Variants in SLC28A3 observed in about 807,000 individuals in gnomAD.
The protein encoded by SLC28A3 is solute carrier family 28 member 3, also known as concentrative Na(+)-nucleoside cotransporter 3.
Under a neutral mutation model 84.2 loss-of-function variants are expected in SLC28A3, and 68 were observed. That is an observed-to-expected ratio of 0.81 (90% confidence interval 0.66 to 0.99). The LOEUF is 0.99. Among genes scored for constraint, SLC28A3 ranks in the 50% least tolerant of loss-of-function variants. The pLI, the probability that SLC28A3 is intolerant of heterozygous loss-of-function variation, is 0.00. For missense variants in SLC28A3, 712 were observed against 841.5 expected (o/e 0.85, Z 1.90); for synonymous variants, 267 against 303.6 (o/e 0.88, Z 1.25).
At chr9:84,289,153 CA>C (rs1825113906) in intron 11 of SLC28A3, among the ~76,000 whole-genome samples, 1 of 152,176 alleles carries the variant, frequency 6.6e-6, no homozygotes, top group African/African-American at 2.4e-5. Context: ...CCCCCCAGAA[CA>C]TTTTTGAGGC....
intron 1 of SLC28A3, among the ~76,000 whole-genome samples, chr9:84,318,325 T>G (rs1431613817): frequency 6.6e-6 from 1 of 151,156 alleles, no homozygotes; most frequent in Non-Finnish European, 1.5e-5. Flanking sequence ...GATCTTTGGA[T>G]TGGGTGCAAG....
At chr9:84,341,848 G>T (rs1161661379), upstream of SLC28A3, among the ~76,000 whole-genome samples, 1 of 152,094 alleles carries the variant, frequency 6.6e-6, no homozygotes, top group South Asian at 2.1e-4. Flanking sequence ...AATGGAAAAG[G>T]CCTGGTGCGG....
chr9:84,280,873 C>A lies in SLC28A3; in HGVS notation c.1657G>T (p.Glu553Ter). 2 of 1,614,078 alleles carry A rather than the reference C, an allele frequency of 1.2e-6. No individual in the cohort carries two copies. The highest frequency in any genetic ancestry group is 1.7e-6 in the Non-Finnish European group (2 of 1,180,016). Residue 553 changes from glutamate (E) to a stop codon, truncating the protein, a stop_gained, in exon 15 of 18, where the codon GAG becomes TAG. Coordinates refer to ENST00000376238, the MANE Select transcript of SLC28A3 (RefSeq NM_001199633.2). LOFTEE classifies it high-confidence loss of function. ...GVQQYISIRS[E>*]IIATYALCGF... ...CAGAGAGCGTAAGTGGCGATTATCT[C>A]AGAACGAATCTGTAAGCAAGCATAA...
the SLC28A3 span, among the ~76,000 whole-genome samples, chr9:84,357,236 G>A: frequency 6.6e-6 from 1 of 152,150 alleles, no homozygotes; most frequent in African/African-American, 2.4e-5. Flanking sequence ...ATGAAAATTT[G>A]CTCTAAGCTT....
At chr9:84,362,869 A>G in the SLC28A3 span, among the ~76,000 whole-genome samples, 2 of 152,040 alleles carry the variant, frequency 1.3e-5, no homozygotes, top group Non-Finnish European at 2.9e-5. Context: ...AAAAATTGTG[A>G]TAAAGTAATA....
intron 5 of SLC28A3, 27 bp from the exon 6 acceptor site, chr9:84,299,752 G>A (rs772736711): frequency 6.3e-5 from 98 of 1,556,238 alleles, no homozygotes; most frequent in Admixed American, 2.0e-4. Context: ...GGAGGCATTG[G>A]CATCATTTGT....
chr9:84,288,592 C>T (rs1825089843), intron 11 of SLC28A3, among the ~76,000 whole-genome samples: 1 of 152,028 alleles, frequency 6.6e-6, no homozygotes, highest in African/African-American at 2.4e-5. Context: ...CTCCGTCACC[C>T]AGGAGTGCAG....
At chr9:84,327,925 CAAAA>C (rs60624658) in intron 1 of SLC28A3, among the ~76,000 whole-genome samples, 1 of 107,354 alleles carries the variant, frequency 9.3e-6, no homozygotes, top group African/African-American at 3.8e-5. Context: ...GACTCCATTT[CAAAA>C]AAAAAAAAAA....
At chr9:84,291,606 G>A (rs933305379) in intron 10 of SLC28A3, among the ~76,000 whole-genome samples, 1 of 152,216 alleles carries the variant, frequency 6.6e-6, no homozygotes, top group Non-Finnish European at 1.5e-5. Context: ...AAGGTGTTGG[G>A]ATTACAGGCG....
the SLC28A3 span, among the ~76,000 whole-genome samples, chr9:84,359,857 T>G: frequency 6.6e-6 from 1 of 151,626 alleles, no homozygotes; most frequent in African/African-American, 2.4e-5. Flanking sequence ...AAAAATTAGC[T>G]GGGCATGGTG....
At chr9:84,296,780 C>T (rs934454325) in intron 8 of SLC28A3, among the ~76,000 whole-genome samples, 4 of 152,198 alleles carry the variant, frequency 2.6e-5, no homozygotes, top group East Asian at 1.9e-4. Flanking sequence ...TGTGGTTGAC[C>T]GGCTGCCCCA....
At position 84,309,091 on chromosome 9, in the gene SLC28A3, G is replaced by A. The variant is rs115124092; in HGVS notation, c.242+538C>T. Among the ~76,000 whole-genome samples, 549 of 152,256 alleles carry A rather than the reference G, an allele frequency of 3.6e-3. 6 individuals are homozygous for A. Among genetic ancestry groups the A allele is most frequent in the South Asian group, 0.034 (165 of 4,826 alleles). On this transcript the variant is annotated intron_variant, in intron 3 of 17. Coordinates refer to ENST00000376238, the MANE Select transcript of SLC28A3 (RefSeq NM_001199633.2). Reference sequence around the variant, plus strand: ...GGGTGAATTTAAATCTGCATATTGGGTTCCCAGAACATCAGCAGTTTGAAT... The same window carrying A: ...GGGTGAATTTAAATCTGCATATTGGATTCCCAGAACATCAGCAGTTTGAAT...
intron 1 of SLC28A3, among the ~76,000 whole-genome samples, chr9:84,334,960 C>G (rs1341846976): frequency 6.6e-6 from 1 of 151,896 alleles, no homozygotes; most frequent in Non-Finnish European, 1.5e-5. Context: ...GCTGCTCTTT[C>G]TCTCCCTGTG....
chr9:84,318,863 C>G (rs1197937917), intron 1 of SLC28A3, among the ~76,000 whole-genome samples: 1 of 150,558 alleles, frequency 6.6e-6, no homozygotes, highest in Non-Finnish European at 1.5e-5. Flanking sequence ...AAGTGAAACC[C>G]TGTCTCAGAA....
intron 7 of SLC28A3, among the ~76,000 whole-genome samples, 158 bp from the exon 8 acceptor site, chr9:84,297,456 G>A (rs1825460422): frequency 6.6e-6 from 1 of 152,216 alleles, no homozygotes; most frequent in Non-Finnish European, 1.5e-5. Context: ...AATGAATGGT[G>A]TAGAAGCATA....
the SLC28A3 span, among the ~76,000 whole-genome samples, chr9:84,349,966 G>A: frequency 1.3e-5 from 2 of 152,150 alleles, no homozygotes; most frequent in African/African-American, 4.8e-5. Flanking sequence ...ACATCACAGA[G>A]TGTATTTACA....
the SLC28A3 span, among the ~76,000 whole-genome samples, chr9:84,356,457 C>T: frequency 6.6e-6 from 1 of 152,156 alleles, no homozygotes; most frequent in Admixed American, 6.6e-5. Context: ...CTGCTAAATC[C>T]CTGGGGCTCC....
At chr9:84,351,568 A>G in the SLC28A3 span, among the ~76,000 whole-genome samples, 1 of 152,020 alleles carries the variant, frequency 6.6e-6, no homozygotes, top group Admixed American at 6.6e-5. Context: ...CTGAAGTGAG[A>G]AGATCACCTG....
At chr9:84,280,134 C>T in intron 15 of SLC28A3, 61 bp from the exon 16 acceptor site, 4 of 1,516,746 alleles carry the variant, frequency 2.6e-6, no homozygotes, top group Non-Finnish European at 3.6e-6. Context: ...AAACTCTTAG[C>T]CTCTGAAAAT....
Sources: gnomAD v4.1 joint callset for allele counts (sites outside exome capture counted in the v4.1 genomes callset) on GRCh38, gnomAD v4.1.1 for gene constraint, MANE v1.5 for transcripts, NCBI Gene and HGNC (gene_info 2026-07-23, HGNC 2026-07-21) for gene names.